Variants in PRKG1 observed in about 807,000 individuals in gnomAD.
PRKG1 encodes the protein cGMP-dependent protein kinase 1.
A neutral mutation model predicts 88.1 loss-of-function variants in PRKG1; 35 were observed. The ratio of observed to expected loss-of-function variants is 0.40; its 90% CI spans 0.30 to 0.53. The LOEUF is 0.53. PRKG1 is among the 20% of genes least tolerant of loss of function. PRKG1 has a pLI of 0.59. For missense variants in PRKG1, 540 were observed against 839.8 expected (o/e 0.64, Z 4.41); for synonymous variants, 303 against 292.5 (o/e 1.04, Z -0.37).
At chr10:52,166,048 A>G (rs1251170822) in intron 9 of PRKG1, among the ~76,000 whole-genome samples, 1 of 152,182 alleles carries the variant, frequency 6.6e-6, no homozygotes, top group African/African-American at 2.4e-5. Flanking sequence ...GCTTCTCTTG[A>G]TTGTTGCTAA....
chr10:51,766,768 G>T (rs557719168), intron 3 of PRKG1, among the ~76,000 whole-genome samples: 1 of 152,118 alleles, frequency 6.6e-6, no homozygotes, highest in African/African-American at 2.4e-5. Flanking sequence ...TCACATTGAG[G>T]GTTGGGGCTT....
At chr10:52,008,799 A>G (rs1209494985) in intron 5 of PRKG1, among the ~76,000 whole-genome samples, 1 of 152,080 alleles carries the variant, frequency 6.6e-6, no homozygotes, top group Admixed American at 6.6e-5. Flanking sequence ...TACTAGCAAA[A>G]TGAATCTAGC....
chr10:52,077,952 A>G (rs898695235), intron 7 of PRKG1, among the ~76,000 whole-genome samples: 2 of 152,122 alleles, frequency 1.3e-5, no homozygotes, highest in Admixed American at 1.3e-4. Flanking sequence ...TTGAGAGTCA[A>G]TTTCTGTGCT....
chr10:51,480,560 TA>T (rs112795238), intron 3 of PRKG1, among the ~76,000 whole-genome samples: 18,981 of 140,178 alleles, frequency 0.14, 1,212 homozygotes, highest in African/African-American at 0.17. Flanking sequence ...CCTTGGCACC[TA>T]AAAAAAAAAA....
chr10:51,984,922 G>A (rs959553866), intron 5 of PRKG1, among the ~76,000 whole-genome samples: 4 of 152,080 alleles, frequency 2.6e-5, no homozygotes, highest in African/African-American at 4.8e-5. Flanking sequence ...ATGATGTTTT[G>A]TTCCCTCTGG....
chr10:51,856,985 A>G (rs116814243), intron 4 of PRKG1, among the ~76,000 whole-genome samples: 37,861 of 150,868 alleles, frequency 0.25, 5,640 homozygotes, highest in African/African-American at 0.41. Flanking sequence ...GAAAAAAAAA[A>G]AAAGAAAGAA....
intron 1 of PRKG1, among the ~76,000 whole-genome samples, chr10:51,061,249 C>A (rs1234289007): frequency 6.6e-6 from 1 of 152,068 alleles, no homozygotes; most frequent in African/African-American, 2.4e-5. Flanking sequence ...TGGCAGCAGG[C>A]AAAAGAGCAT....
chr10:51,159,798 T>C (rs1297790319), intron 2 of PRKG1, among the ~76,000 whole-genome samples: 2 of 152,132 alleles, frequency 1.3e-5, no homozygotes, highest in African/African-American at 2.4e-5. Context: ...TGTTTTTAAG[T>C]GTGAAAACAT....
intron 1 of PRKG1, among the ~76,000 whole-genome samples, chr10:51,122,046 A>G (rs1845272103): frequency 6.6e-6 from 1 of 152,118 alleles, no homozygotes; most frequent in South Asian, 2.1e-4. Flanking sequence ...CTGTACCCCT[A>G]GCATCATGTC....
intron 3 of PRKG1, among the ~76,000 whole-genome samples, chr10:51,636,307 A>C (rs1480751166): frequency 6.6e-6 from 1 of 152,246 alleles, no homozygotes; most frequent in African/African-American, 2.4e-5. Flanking sequence ...GCAGTCAGCT[A>C]TATTCAAAAG....
chr10:51,970,735 G>T (rs1052718816), intron 5 of PRKG1, among the ~76,000 whole-genome samples: 132 of 119,288 alleles, frequency 1.1e-3, no homozygotes, highest in East Asian at 5.5e-3. Context: ...AGATATATCA[G>T]ATTATATATA....
At chr10:51,112,288 T>C (rs1019109412) in intron 1 of PRKG1, among the ~76,000 whole-genome samples, 1 of 152,078 alleles carries the variant, frequency 6.6e-6, no homozygotes, top group Non-Finnish European at 1.5e-5. Context: ...AACTTTACCA[T>C]AGATACTAGT....
intron 3 of PRKG1, among the ~76,000 whole-genome samples, chr10:51,479,686 T>C (rs1413018027): frequency 6.6e-6 from 1 of 152,094 alleles, no homozygotes; most frequent in Admixed American, 6.6e-5. Context: ...ATTTATACTT[T>C]GTATTGATGT....
intron 3 of PRKG1, among the ~76,000 whole-genome samples, chr10:51,604,734 T>C (rs1460293453): frequency 6.6e-6 from 1 of 152,178 alleles, no homozygotes; most frequent in Non-Finnish European, 1.5e-5. Flanking sequence ...AGGGGGAGCA[T>C]GCAGACAGGC....
At chr10:52,161,088 T>A (rs1838264133) in intron 8 of PRKG1, among the ~76,000 whole-genome samples, 1 of 151,916 alleles carries the variant, frequency 6.6e-6, no homozygotes, top group African/African-American at 2.4e-5. Flanking sequence ...ACAGTAAGAG[T>A]TACTGTATCT....
intron 3 of PRKG1, among the ~76,000 whole-genome samples, chr10:51,600,030 T>C (rs1838557087): frequency 6.6e-6 from 1 of 152,204 alleles, no homozygotes; most frequent in South Asian, 2.1e-4. Flanking sequence ...GTTGATTTAT[T>C]TTGGTGATAC....
intron 3 of PRKG1, among the ~76,000 whole-genome samples, chr10:51,684,050 A>G (rs1461793869): frequency 6.6e-6 from 1 of 152,228 alleles, no homozygotes; most frequent in African/African-American, 2.4e-5. Context: ...AAGAGAAATG[A>G]AAACATATGT....
chr10:52,136,606 A>T (rs11000904), intron 8 of PRKG1, among the ~76,000 whole-genome samples: 2,177 of 152,176 alleles, frequency 0.014, 24 homozygotes, highest in Non-Finnish European at 0.023. Flanking sequence ...ATATGGGTAA[A>T]TTACTTAAAT....
At chr10:51,006,225 A>G (rs1000706861) in intron 1 of PRKG1, among the ~76,000 whole-genome samples, 1 of 152,214 alleles carries the variant, frequency 6.6e-6, no homozygotes, top group Non-Finnish European at 1.5e-5. Context: ...CAATCAGCTA[A>G]TATGTGGGAA....
Sources: gnomAD v4.1 joint callset for allele counts (sites outside exome capture counted in the v4.1 genomes callset) on GRCh38, gnomAD v4.1.1 for gene constraint, MANE v1.5 for transcripts, NCBI Gene and HGNC (gene_info 2026-07-23, HGNC 2026-07-21) for gene names.